NSL1: variants seen among roughly 807,000 people sequenced by gnomAD.
NSL1 encodes NSL1 component of MIS12 kinetochore complex.
In NSL1, 11 loss-of-function variants were observed where a neutral mutation model predicts 25.4. The ratio of observed to expected loss-of-function variants is 0.43; its 90% CI spans 0.27 to 0.72. The LOEUF (loss-of-function observed/expected upper bound fraction) is 0.72. Among genes scored for constraint, NSL1 ranks in the 30% least tolerant of loss-of-function variants. The pLI, the probability that NSL1 is intolerant of heterozygous loss-of-function variation, is 0.19. For synonymous variants in NSL1, 118 were observed against 120.6 expected (o/e 0.98, Z 0.14); for missense variants, 330 against 342.7 (o/e 0.96, Z 0.29).
At position 212,732,925 on chromosome 1, in the gene NSL1, T is replaced by C. The variant is rs565961456; in HGVS notation, c.*5483A>G. Among the ~76,000 whole-genome samples the C allele has an allele frequency of 1.3e-5, 2 of 152,332 alleles. No individual in the cohort carries two copies. The highest frequency in any genetic ancestry group is 2.1e-4 in the South Asian group (1 of 4,828). On this transcript the variant is annotated 3_prime_UTR_variant, in exon 6 of 6. Coordinates refer to ENST00000366977, the MANE Select transcript of NSL1 (RefSeq NM_015471.4). Reference sequence around the variant, plus strand: ...TCCAGATGCTTCTAGATTTTAGGATTGTTGTTTAGTAATCTGATGCCATTC... The same window carrying C: ...TCCAGATGCTTCTAGATTTTAGGATCGTTGTTTAGTAATCTGATGCCATTC...
At position 212,738,734 on chromosome 1, in the gene NSL1, CACAA is replaced by C. The variant is rs1391788778; in HGVS notation, c.568-52_568-49del. 8 of 1,481,894 alleles carry C rather than the reference CACAA, an allele frequency of 5.4e-6. No homozygotes were observed. In the South Asian group the frequency reaches 9.7e-5, roughly 18 times the overall value. The allele number at this position is 1,481,894 out of a possible 1,614,324, so 91.8% of individuals were successfully genotyped here. ...ATTCAACATTAATCTCAGGTTGAAA[CACAA>C]ACAGACAAAGATGGATGCAGTACTC... On this transcript the variant is annotated intron_variant, in intron 5 of 5. Coordinates refer to ENST00000366977, the MANE Select transcript of NSL1 (RefSeq NM_015471.4).
At chr1:212,754,408 G>A (rs1048238711) in intron 4 of NSL1, among the ~76,000 whole-genome samples, 7 of 152,198 alleles carry the variant, frequency 4.6e-5, no homozygotes, top group Non-Finnish European at 8.8e-5. Flanking sequence ...AACAGGAAAC[G>A]AAGAGACAGC....
At chr1:212,742,391 G>A (rs1223306603) in intron 4 of NSL1, among the ~76,000 whole-genome samples, 1 of 152,104 alleles carries the variant, frequency 6.6e-6, no homozygotes, top group African/African-American at 2.4e-5. Flanking sequence ...AATATAAGAG[G>A]AAGAAAAACT....
At chr1:212,779,322 G>A (rs374465424) in intron 4 of NSL1, among the ~76,000 whole-genome samples, 18,864 of 135,686 alleles carry the variant, frequency 0.14, 1,684 homozygotes, top group African/African-American at 0.23. Flanking sequence ...GCCCCGTCCG[G>A]GAGGGAGGTG....
At position 212,728,928 on chromosome 1, in the gene NSL1, G is replaced by GTTTGAAC; in HGVS notation, c.*9473_*9479dup. On this transcript the variant is annotated 3_prime_UTR_variant, in exon 6 of 6. Transcript: ENST00000366977. ...GGCAAAGAGCAGTGTTTATTTGTGT[G>GTTTGAAC]TTTGAACGTTTGTTCCCTTTGAATA... is the stretch of plus-strand genomic sequence containing the variant. 7.1e-6 allele frequency: 7 copies of GTTTGAAC among 985,322 alleles called. No homozygotes were observed. The South Asian group carries it at 2.8e-4, about 40-fold the overall frequency. The allele number at this position is 985,322 out of a possible 1,614,324, so 61.0% of individuals were successfully genotyped here. A position where few individuals can be genotyped will look rare whatever the true frequency, so the allele number is the denominator to read the frequency against.
At chr1:212,768,288 C>T (rs1314464405) in intron 4 of NSL1, among the ~76,000 whole-genome samples, 4 of 141,950 alleles carry the variant, frequency 2.8e-5, no homozygotes, top group African/African-American at 1.1e-4. Context: ...CCACTGCACT[C>T]CAGCCTGGGT....
intron 4 of NSL1, among the ~76,000 whole-genome samples, chr1:212,765,760 G>A (rs113605633): frequency 0.023 from 3,461 of 151,522 alleles, 61 homozygotes; most frequent in South Asian, 0.042. Flanking sequence ...GAGCCAGATC[G>A]CACCACTGCA....
intron 4 of NSL1, among the ~76,000 whole-genome samples, chr1:212,746,460 A>C (rs1658800158): frequency 6.6e-6 from 1 of 152,220 alleles, no homozygotes; most frequent in Admixed American, 6.5e-5. Flanking sequence ...TCAATTAAAC[A>C]AAAAAGAAGA....
intron 4 of NSL1, among the ~76,000 whole-genome samples, chr1:212,752,602 G>T (rs139741242): frequency 3.9e-4 from 59 of 152,278 alleles, no homozygotes; most frequent in Middle Eastern, 6.8e-3. Flanking sequence ...ATTACAACAG[G>T]ATTATAAAAG....
chr1:212,777,126 C>A (rs1320440462), intron 4 of NSL1, among the ~76,000 whole-genome samples: 2 of 151,572 alleles, frequency 1.3e-5, no homozygotes, highest in African/African-American at 4.8e-5. Flanking sequence ...GTAATCCTAG[C>A]ACTTTTGGAG....
At position 212,735,338 on chromosome 1, in the gene NSL1, C is replaced by A. The variant is rs1335690021; in HGVS notation, c.*3070G>T. 8.1e-6 allele frequency: 8 copies of A among 985,248 alleles called. No individual in the cohort carries two copies. Among genetic ancestry groups the A allele is most frequent in the Non-Finnish European group, 9.6e-6 (8 of 829,932 alleles). 61.0% of individuals were successfully genotyped at this position (985,248 alleles called of 1,614,324 possible). A position where few individuals can be genotyped will look rare whatever the true frequency, so the allele number is the denominator to read the frequency against. On this transcript the variant is annotated 3_prime_UTR_variant, in exon 6 of 6. Coordinates refer to ENST00000366977, the MANE Select transcript of NSL1 (RefSeq NM_015471.4). ...TAGGTGTCCAACTGTATGTGTTGAACAGATGAATAAATGAATGAAGGTGGA... is the reference window on the plus strand; with the variant it reads ...TAGGTGTCCAACTGTATGTGTTGAAAAGATGAATAAATGAATGAAGGTGGA...
At position 212,731,136 on chromosome 1, in the gene NSL1, CAG is replaced by C. The variant is rs1487547071; in HGVS notation, c.*7270_*7271del. The stretch of plus-strand genomic sequence containing the variant: ...TTCTCTAGAGAGATATTTTTTTCTT[CAG>C]AGACTTTCATAATATAATCTATTTG... On this transcript the variant is annotated 3_prime_UTR_variant, in exon 6 of 6. Coordinates refer to ENST00000366977, the MANE Select transcript of NSL1 (RefSeq NM_015471.4). 2.1e-6 allele frequency: 2 copies of C among 969,672 alleles called. No homozygotes were observed. Among genetic ancestry groups the C allele is most frequent in the African/African-American group, 3.6e-5 (2 of 55,490 alleles). The allele number at this position is 969,672 out of a possible 1,614,324, so 60.1% of individuals were successfully genotyped here. A position where few individuals can be genotyped will look rare whatever the true frequency, so the allele number is the denominator to read the frequency against.
chr1:212,791,736 G>A lies in NSL1; in HGVS notation c.28C>T (p.Leu10Phe). The change falls in exon 1 of 6, where the codon CTT becomes TTT. Residue 10 changes from leucine to phenylalanine, a missense_variant. Coordinates refer to ENST00000366977, the MANE Select transcript of NSL1 (RefSeq NM_015471.4). The part of the protein sequence containing the change: MAGSPELVV[L>F]DPPWDKELAA... Reference sequence around the variant, plus strand: ...AGCTCCTTGTCCCATGGAGGGTCAAGGACCACCAACTCAGGAGACCCCGCC... The same window carrying A: ...AGCTCCTTGTCCCATGGAGGGTCAAAGACCACCAACTCAGGAGACCCCGCC... 6 of 1,612,272 alleles carry A rather than the reference G, an allele frequency of 3.7e-6. No homozygotes were observed. The highest frequency in any genetic ancestry group is 1.1e-5 in the South Asian group (1 of 91,010).
chr1:212,790,886 G>A (rs1661192311), intron 1 of NSL1, among the ~76,000 whole-genome samples: 3 of 151,434 alleles, frequency 2.0e-5, no homozygotes. Context: ...TCGCGCCACT[G>A]CACTCCAGCC....
Position 212,760,570 on chromosome 1 carries a change from A to AC in NSL1, c.500-20970dup, listed in dbSNP as rs1181491201. Reference sequence around the variant, plus strand: ...CATCACCACCACCATCACCGCCAGGACCCCCCTAAATGTGCTCTGGGGGGA... The same window carrying AC: ...CATCACCACCACCATCACCGCCAGGACCCCCCCTAAATGTGCTCTGGGGGGA... On this transcript the variant is annotated intron_variant, in intron 4 of 5. Transcript: ENST00000366977. This position sits in a 1 kb window ranked among gnomAD's most constrained non-coding sequence, Gnocchi z 4.3. Among the ~76,000 whole-genome samples the AC allele has an allele frequency of 6.6e-6, 1 of 150,384 alleles. No homozygotes were observed. Among genetic ancestry groups the AC allele is most frequent in the Non-Finnish European group, 1.5e-5 (1 of 67,602 alleles).
chr1:212,786,416 TAAA>T (rs928101496), intron 2 of NSL1, among the ~76,000 whole-genome samples: 1 of 141,896 alleles, frequency 7.0e-6, no homozygotes, highest in African/African-American at 2.6e-5. Flanking sequence ...CACAATTAGT[TAAA>T]AAAAAAAAAA....
intron 4 of NSL1, among the ~76,000 whole-genome samples, chr1:212,751,199 G>A (rs1160110609): frequency 6.6e-6 from 1 of 152,062 alleles, no homozygotes; most frequent in East Asian, 1.9e-4. Context: ...AAGGAAGAAG[G>A]GTACAAGGAA....
Position 212,727,238 on chromosome 1 carries a change from T to C in NSL1, c.*11170A>G. 1 of 1,427,590 alleles carries C rather than the reference T, an allele frequency of 7.0e-7. No homozygotes were observed. The allele number at this position is 1,427,590 out of a possible 1,614,324, so 88.4% of individuals were successfully genotyped here. A position where few individuals can be genotyped will look rare whatever the true frequency, so the allele number is the denominator to read the frequency against. ...AAGATCTCTTTTTCTGAAAACTATA[T>C]ATGGCTTTCAAGACTTGCCTTGAGA... On this transcript the variant is annotated 3_prime_UTR_variant, in exon 6 of 6. Transcript: ENST00000366977.
intron 4 of NSL1, among the ~76,000 whole-genome samples, chr1:212,765,678 T>G (rs1031259347): frequency 2.0e-5 from 3 of 151,868 alleles, no homozygotes; most frequent in Non-Finnish European, 4.4e-5. Flanking sequence ...AAAATTAGCA[T>G]GCCTGTAATC....
Sources: allele counts gnomAD v4.1 joint callset (sites outside exome capture counted in the v4.1 genomes callset), GRCh38; gene constraint gnomAD v4.1.1; non-coding constraint Gnocchi (gnomAD v3.1); transcripts MANE v1.5; gene names NCBI Gene and HGNC (gene_info 2026-07-23, HGNC 2026-07-21).